The following TMPO variants were observed in gnomAD, a reference collection of about 807,000 sequenced individuals.
The protein encoded by TMPO is LEM domain containing 4.
A neutral mutation model predicts 45.4 loss-of-function variants in TMPO; 22 were observed. That is an observed-to-expected ratio of 0.48 (90% CI 0.35 to 0.69). The LOEUF (loss-of-function observed/expected upper bound fraction) is 0.69, where lower values mean the gene tolerates loss of function less well. Among genes scored for constraint, TMPO ranks in the 30% least tolerant of loss-of-function variants. The pLI, the probability that TMPO is intolerant of heterozygous loss-of-function variation, is 0.01. For missense variants in TMPO, 512 were observed against 548.8 expected (o/e 0.93, Z 0.67); for synonymous variants, 241 against 204.1 (o/e 1.18, Z -1.54).
At chr12:98,535,686 C>T in intron 3 of TMPO, 1 of 984,958 alleles carries the variant, frequency 1.0e-6, no homozygotes, top group Non-Finnish European at 1.2e-6. Context: ...CTTGGAGTTG[C>T]AACAAGTTAA....
intron 1 of TMPO, among the ~76,000 whole-genome samples, chr12:98,527,146 A>G (rs1399858051): frequency 1.3e-5 from 2 of 151,998 alleles, no homozygotes; most frequent in Non-Finnish European, 2.9e-5. Flanking sequence ...TCCATGGTTC[A>G]TGCTGATCTG....
intron 3 of TMPO, chr12:98,534,488 A>C (rs904864080): frequency 1.6e-5 from 24 of 1,481,490 alleles, no homozygotes; most frequent in Non-Finnish European, 2.1e-5. Flanking sequence ...TATAAAAGTA[A>C]TTGCCTGTGT....
At chr12:98,522,331 A>G (rs1876434653) in intron 1 of TMPO, among the ~76,000 whole-genome samples, 1 of 152,184 alleles carries the variant, frequency 6.6e-6, no homozygotes, top group Admixed American at 6.5e-5. Flanking sequence ...TGAATTCTCA[A>G]TAGGAAATAT....
At chr12:98,534,742 A>G in intron 3 of TMPO, 1 of 1,026,376 alleles carries the variant, frequency 9.7e-7, no homozygotes, top group Non-Finnish European at 1.2e-6. Flanking sequence ...CACATTCAGA[A>G]CAGTGATGTT....
At chr12:98,545,733 G>A (rs945730963) in intron 7 of TMPO, among the ~76,000 whole-genome samples, 2 of 151,798 alleles carry the variant, frequency 1.3e-5, no homozygotes, top group Admixed American at 6.6e-5. Flanking sequence ...TGAAGAAACA[G>A]TATACTTTTT....
chr12:98,528,559 G>C (rs2121177208), intron 2 of TMPO, among the ~76,000 whole-genome samples: 1 of 152,142 alleles, frequency 6.6e-6, no homozygotes, highest in East Asian at 1.9e-4. Flanking sequence ...TTACAGGTGT[G>C]AGCCACCGTG....
At chr12:98,529,583 T>G (rs1877041235) in intron 2 of TMPO, among the ~76,000 whole-genome samples, 1 of 152,074 alleles carries the variant, frequency 6.6e-6, no homozygotes, top group Non-Finnish European at 1.5e-5. Context: ...TTTTTTTTTT[T>G]GACAAGGTCT....
intron 3 of TMPO, chr12:98,533,627 T>A (rs756429442): frequency 6.2e-7 from 1 of 1,614,118 alleles, no homozygotes; most frequent in Non-Finnish European, 8.5e-7. Flanking sequence ...TCCGAACTGA[T>A]GTCTTCTTTT....
intron 1 of TMPO, among the ~76,000 whole-genome samples, chr12:98,524,075 T>G (rs1384891658): frequency 6.6e-6 from 1 of 152,216 alleles, no homozygotes; most frequent in Non-Finnish European, 1.5e-5. Flanking sequence ...ACAAAACATT[T>G]ATCAGGGGGC....
chr12:98,542,489 G>A (rs1319592324), intron 4 of TMPO, among the ~76,000 whole-genome samples: 1 of 145,650 alleles, frequency 6.9e-6, no homozygotes, highest in Non-Finnish European at 1.5e-5. Flanking sequence ...TGATGGTACT[G>A]TGCCACAAGG....
intron 3 of TMPO, chr12:98,532,712 T>G: frequency 1.3e-6 from 2 of 1,532,552 alleles, no homozygotes; most frequent in Non-Finnish European, 1.8e-6. Flanking sequence ...GTTCAGAATA[T>G]GAAATTATAG....
Position 98,534,751 on chromosome 12 carries a change from T to A in TMPO, c.566-2724T>A, listed in dbSNP as rs369534215. The stretch of plus-strand genomic sequence containing the variant: ...TTGTTACACATTCAGAACAGTGATG[T>A]TGTTCTTTTTGATACTTTTATCTCA... On this transcript the variant is annotated intron_variant, in intron 3 of 8. Transcript: ENST00000556029. The A allele has an allele frequency of 4.2e-5, 43 of 1,015,350 alleles. No individual in the cohort carries two copies. The East Asian group carries it at 6.7e-4, about 16-fold the overall frequency. The allele number at this position is 1,015,350 out of a possible 1,614,324, so 62.9% of individuals were successfully genotyped here.
At chr12:98,538,617 T>G (rs564164129) in intron 4 of TMPO, among the ~76,000 whole-genome samples, 1 of 152,196 alleles carries the variant, frequency 6.6e-6, no homozygotes, top group Admixed American at 6.5e-5. Context: ...CCTCCGAAAG[T>G]GCTGGGATTA....
In TMPO at chr12:98,515,655, C is replaced by A; in HGVS notation, c.-213C>A. 3.1e-6 allele frequency: 3 copies of A among 982,032 alleles called. No homozygotes were observed. Among genetic ancestry groups the A allele is most frequent in the Non-Finnish European group, 2.9e-6 (2 of 678,948 alleles). The allele number at this position is 982,032 out of a possible 1,614,324, so 60.8% of individuals were successfully genotyped here. A position where few individuals can be genotyped will look rare whatever the true frequency, so the allele number is the denominator to read the frequency against. ...GGGTTGGTGCGAGCTTCCAGCTTGG[C>A]CGCAGTTGGTTCGTAGTTCGGCTCT... is the stretch of plus-strand genomic sequence containing the variant. On this transcript the variant is annotated 5_prime_UTR_variant, in exon 1 of 9. Transcript: ENST00000556029.
chr12:98,544,260 G>T lies in TMPO; in HGVS notation c.694G>T (p.Glu232Ter). The T allele has an allele frequency of 1.2e-6, 2 of 1,613,880 alleles. No homozygotes were observed. The highest frequency in any genetic ancestry group is 2.2e-5 in the South Asian group (2 of 91,030). The change falls in exon 5 of 9, where the codon GAA (glutamate) becomes TAA (stop). Residue 232 changes from glutamate to a stop codon, truncating the protein, a stop_gained. Coordinates refer to ENST00000556029, the MANE Select transcript of TMPO (RefSeq NM_001032283.3). LOFTEE classifies it high-confidence loss of function. ...SYSQAGITETEWTSGSSKGGP... is the reference protein window; with the variant it reads ...SYSQAGITET ...TTCTCAAGCTGGAATAACTGAGACTGAATGGACAAGTGGATCTTCAAAAGG... is the reference window on the plus strand; with the variant it reads ...TTCTCAAGCTGGAATAACTGAGACTTAATGGACAAGTGGATCTTCAAAAGG...
In TMPO at chr12:98,544,948, C is replaced by G; in HGVS notation, c.880-3C>G. 1 of 1,600,008 alleles carries G rather than the reference C, an allele frequency of 6.2e-7. No individual in the cohort carries two copies. Among genetic ancestry groups the G allele is most frequent in the Non-Finnish European group, 8.6e-7 (1 of 1,168,418 alleles). Reference sequence around the variant, plus strand: ...TGAGTCTGAATAATTTGAATCTTGGCAGGTTGTCAATAGGGTGACTGGAAA... The same window carrying G: ...TGAGTCTGAATAATTTGAATCTTGGGAGGTTGTCAATAGGGTGACTGGAAA... On this transcript the variant is annotated splice_region_variant and splice_polypyrimidine_tract_variant and intron_variant, in intron 6 of 8. Transcript: ENST00000556029.
chr12:98,532,390 A>C (rs974549372), intron 3 of TMPO: 2 of 173,134 alleles, frequency 1.2e-5, no homozygotes, highest in African/African-American at 4.8e-5. Context: ...TAGCATTTAA[A>C]TATGGCATAT....
intron 1 of TMPO, among the ~76,000 whole-genome samples, chr12:98,519,321 C>T (rs941577554): frequency 6.6e-6 from 1 of 152,194 alleles, no homozygotes; most frequent in African/African-American, 2.4e-5. Flanking sequence ...GCCTCGACCT[C>T]CCGAGTAGCT....
At chr12:98,519,213 GTTTT>G (rs1876140145) in intron 1 of TMPO, among the ~76,000 whole-genome samples, 1 of 151,964 alleles carries the variant, frequency 6.6e-6, no homozygotes, top group Non-Finnish European at 1.5e-5. Flanking sequence ...TTGTTATTTT[GTTTT>G]GTTTGTTTTG....
Sources: allele counts gnomAD v4.1 joint callset (sites outside exome capture counted in the v4.1 genomes callset), GRCh38; gene constraint gnomAD v4.1.1; transcripts MANE v1.5; gene names NCBI Gene and HGNC (gene_info 2026-07-23, HGNC 2026-07-21).